Variants in FAM135A observed in about 807,000 individuals in gnomAD.
FAM135A encodes the protein protein FAM135A.
Under a neutral mutation model 146.8 loss-of-function variants are expected in FAM135A, and 79 were observed. The ratio of observed to expected loss-of-function variants is 0.54; its 90% CI spans 0.45 to 0.65. FAM135A has a LOEUF of 0.65. FAM135A is among the 30% of genes least tolerant of loss of function. The pLI is 0.00. For missense variants in FAM135A, 1,623 were observed against 1,758.2 expected (o/e 0.92, Z 1.38); for synonymous variants, 562 against 603.6 (o/e 0.93, Z 1.01).
intron 2 of FAM135A, among the ~76,000 whole-genome samples, chr6:70,415,611 C>A (rs1484440211): frequency 6.6e-6 from 1 of 152,134 alleles, no homozygotes; most frequent in African/African-American, 2.4e-5. Flanking sequence ...TGCTGCTTCT[C>A]AAGGAAGCTT....
intron 5 of FAM135A, among the ~76,000 whole-genome samples, chr6:70,474,154 G>T (rs1010747623): frequency 2.0e-5 from 3 of 152,150 alleles, no homozygotes; most frequent in Admixed American, 6.5e-5. Context: ...GCCTGCAGAG[G>T]CTCCCTGCCT....
chr6:70,477,388 A>G, intron 8 of FAM135A, 56 bp downstream of exon 8: 2 of 1,528,914 alleles, frequency 1.3e-6, no homozygotes, highest in South Asian at 2.4e-5. Context: ...ATAAAGAAAT[A>G]CCTGAGACTG....
intron 11 of FAM135A, among the ~76,000 whole-genome samples, chr6:70,501,244 C>T (rs970252538): frequency 5.3e-5 from 8 of 150,462 alleles, no homozygotes; most frequent in Admixed American, 2.6e-4. Flanking sequence ...TGCTTTGGTG[C>T]GCTGTGGTGA....
Position 70,538,394 on chromosome 6 carries a change from C to A in FAM135A, c.4221C>A (p.Asn1407Lys). The A allele has an allele frequency of 6.8e-7, 1 of 1,478,716 alleles. No homozygotes were observed. The highest frequency in any genetic ancestry group is 1.5e-5 in the South Asian group (1 of 68,342). 91.6% of individuals were successfully genotyped at this position (1,478,716 alleles called of 1,614,324 possible). Residue 1407 changes from asparagine to lysine, a missense_variant, in exon 20 of 22, where the codon AAC (asparagine) becomes AAA (lysine). Coordinates refer to ENST00000418814, the MANE Select transcript of FAM135A (RefSeq NM_001162529.3). ...AAACTTTTTTATATAAGCTTAGTAA[C>A]AAAGCAGGTAAGTATATAATAACAG... is the stretch of plus-strand genomic sequence containing the variant. ...PRQTFLYKLS[N>K]KAGLHYFKNV...
At chr6:70,541,575 C>G (rs557126989) in intron 20 of FAM135A, among the ~76,000 whole-genome samples, 2 of 152,192 alleles carry the variant, frequency 1.3e-5, no homozygotes, top group East Asian at 3.9e-4. Context: ...GTTTTAGCCT[C>G]TGTCTTCTGC....
At chr6:70,477,512 T>C (rs1202599847) in intron 8 of FAM135A, among the ~76,000 whole-genome samples, 180 bp downstream of exon 8, 2 of 152,078 alleles carry the variant, frequency 1.3e-5, no homozygotes, top group Admixed American at 6.6e-5. Context: ...CTTATAATCA[T>C]GGCAGAAATC....
chr6:70,498,744 A>G (rs1305956647), intron 11 of FAM135A, among the ~76,000 whole-genome samples: 1 of 152,182 alleles, frequency 6.6e-6, no homozygotes, highest in Non-Finnish European at 1.5e-5. Flanking sequence ...CCCAGTAGTT[A>G]TTCAGGAGCA....
rs887346030 is a variant in FAM135A at position 70,536,841 on chromosome 6, G to T, written c.4117+430G>T. Among the ~76,000 whole-genome samples the T allele has an allele frequency of 2.6e-5, 4 of 151,782 alleles. No homozygotes were observed. The East Asian group carries it at 7.7e-4, about 29-fold the overall frequency. On this transcript the variant is annotated intron_variant, in intron 19 of 21. Transcript: ENST00000418814. ...ATATGAGAATATAATTTTTACGAAGGTGATTCAGAATTTCTGAAGAAGTTA... is the reference window on the plus strand; with the variant it reads ...ATATGAGAATATAATTTTTACGAAGTTGATTCAGAATTTCTGAAGAAGTTA...
intron 5 of FAM135A, among the ~76,000 whole-genome samples, chr6:70,467,745 C>T (rs1780752073): frequency 6.6e-6 from 1 of 152,024 alleles, no homozygotes; most frequent in African/African-American, 2.4e-5. Flanking sequence ...CCCTCTCTCT[C>T]ATCGCTTCTC....
intron 18 of FAM135A, 90 bp downstream of exon 18, chr6:70,533,944 T>C: frequency 1.7e-6 from 1 of 573,576 alleles, no homozygotes; most frequent in Non-Finnish European, 2.7e-6. Flanking sequence ...TGTCCTATTC[T>C]GAAATATAGG....
At chr6:70,445,055 C>T (rs1562431579) in intron 4 of FAM135A, among the ~76,000 whole-genome samples, 1 of 152,106 alleles carries the variant, frequency 6.6e-6, no homozygotes, top group Non-Finnish European at 1.5e-5. Flanking sequence ...TAACTAAAGA[C>T]ATATTGTTTC....
intron 4 of FAM135A, among the ~76,000 whole-genome samples, chr6:70,441,643 G>A (rs1402839024): frequency 1.3e-5 from 2 of 151,846 alleles, no homozygotes; most frequent in African/African-American, 4.8e-5. Flanking sequence ...ACACATTTTG[G>A]GGTCATTTCT....
chr6:70,483,867 C>T (rs1413941569), intron 10 of FAM135A, among the ~76,000 whole-genome samples: 1 of 152,142 alleles, frequency 6.6e-6, no homozygotes, highest in Non-Finnish European at 1.5e-5. Context: ...TTCAAGGAGG[C>T]ATTATCTTAT....
At chr6:70,485,542 T>A (rs1335613568) in intron 10 of FAM135A, among the ~76,000 whole-genome samples, 1 of 152,210 alleles carries the variant, frequency 6.6e-6, no homozygotes, top group Non-Finnish European at 1.5e-5. Context: ...TCACCAGTTT[T>A]AATAAGTGGA....
At chr6:70,467,991 T>G (rs1394326938) in intron 5 of FAM135A, among the ~76,000 whole-genome samples, 3 of 152,176 alleles carry the variant, frequency 2.0e-5, no homozygotes, top group Non-Finnish European at 4.4e-5. Context: ...GGAAGGCTGA[T>G]GGGAAATTCT....
chr6:70,534,434 C>T (rs1796432727), intron 18 of FAM135A, among the ~76,000 whole-genome samples: 1 of 150,978 alleles, frequency 6.6e-6, no homozygotes, highest in Non-Finnish European at 1.5e-5. Context: ...ATCCTCCCAC[C>T]TCAGCCCCCC....
chr6:70,514,132 A>G (rs954891425), intron 12 of FAM135A, among the ~76,000 whole-genome samples: 4 of 151,076 alleles, frequency 2.6e-5, no homozygotes, highest in Non-Finnish European at 5.9e-5. Flanking sequence ...TCCCTCTAGT[A>G]CTCTAATTAT....
At chr6:70,497,604 G>T (rs1321608978) in intron 11 of FAM135A, among the ~76,000 whole-genome samples, 1 of 152,178 alleles carries the variant, frequency 6.6e-6, no homozygotes, top group Non-Finnish European at 1.5e-5. Flanking sequence ...TCCAGCTTTT[G>T]CCCATTCAGT....
At chr6:70,496,304 T>C (rs528816387) in intron 11 of FAM135A, among the ~76,000 whole-genome samples, 31 of 152,328 alleles carry the variant, frequency 2.0e-4, no homozygotes, top group African/African-American at 6.5e-4. Flanking sequence ...ATAAATGTCT[T>C]CTTTTGAGAT....
Sources: allele counts gnomAD v4.1 joint callset (sites outside exome capture counted in the v4.1 genomes callset), GRCh38; gene constraint gnomAD v4.1.1; transcripts MANE v1.5; gene names NCBI Gene and HGNC (gene_info 2026-07-23, HGNC 2026-07-21).